RYR3: variants seen among roughly 807,000 people sequenced by gnomAD.
RYR3 encodes the protein brain ryanodine receptor-calcium release channel.
In RYR3, 207 loss-of-function variants were observed where a neutral mutation model predicts 584.3. The observed-to-expected ratio is 0.35, with a 90% CI of 0.32 to 0.40. The LOEUF (loss-of-function observed/expected upper bound fraction) is 0.40, where lower values mean the gene tolerates loss of function less well. RYR3 is among the 10% of genes least tolerant of loss of function. The probability of loss-of-function intolerance (pLI) is 1.00; values close to 1 mark genes in which losing one functional copy is unlikely to be tolerated. For synonymous variants in RYR3, 2,416 were observed against 2,248.5 expected, an observed-to-expected ratio of 1.07 and a Z score of -2.11; for missense variants, 5,616 against 6,089.2, an observed-to-expected ratio of 0.92 and a Z score of 2.59.
intron 38 of RYR3, among the ~76,000 whole-genome samples, chr15:33,690,525 T>C (rs28602988): frequency 0.27 from 41,255 of 152,142 alleles, 6,189 homozygotes; most frequent in African/African-American, 0.41. Context: ...TTTAATCTCG[T>C]ACATACCTGC....
rs2074306591 is a variant in RYR3, at chr15:33,780,319, C to T, written c.9246C>T (p.Thr3082=). 2 of 1,613,718 alleles carry T rather than the reference C, an allele frequency of 1.2e-6. No individual in the cohort carries two copies. Among genetic ancestry groups the T allele is most frequent in the Non-Finnish European group, 1.7e-6 (2 of 1,179,808 alleles). Residue 3082 remains threonine, a synonymous_variant, in exon 65 of 104, where the codon ACC becomes ACT. Transcript: ENST00000634891. ...NRYNPLSVFN[T]KTPRERSILG... ...ACAATCCACTCTCGGTCTTCAACAC[C>T]AAAACCCCCAGGGAGAGGTCTAGTA...
chr15:33,664,589 GTATATATATATATA>G (rs139063789), intron 36 of RYR3, among the ~76,000 whole-genome samples: 2 of 91,380 alleles, frequency 2.2e-5, no homozygotes, highest in African/African-American at 4.4e-5. Context: ...GTGTGTGTGT[GTATATATATATATA>G]TATATATATA....
At chr15:33,860,992 T>C in intron 101 of RYR3, 86 bp from the exon 102 acceptor site, 2 of 1,067,312 alleles carry the variant, frequency 1.9e-6, no homozygotes, top group East Asian at 5.2e-5. Flanking sequence ...GTTTTCATTA[T>C]CCTTCAATTC....
rs1325202941 is a variant in RYR3 at position 33,853,095 on chromosome 15, T to G, written c.13671+8T>G. On this transcript the variant is annotated splice_region_variant and intron_variant, in intron 95 of 103. Transcript: ENST00000634891. Reference sequence around the variant, plus strand: ...AAGTTTGTAAAGAGAAAGGTATGCCTTGTTAGTGGGGGTGAGTTCCGTGAT... The same window carrying G: ...AAGTTTGTAAAGAGAAAGGTATGCCGTGTTAGTGGGGGTGAGTTCCGTGAT... 1 of 1,587,250 alleles carries G rather than the reference T, an allele frequency of 6.3e-7. No homozygotes were observed. Among genetic ancestry groups the G allele is most frequent in the African/African-American group, 1.4e-5 (1 of 73,454 alleles).
intron 1 of RYR3, among the ~76,000 whole-genome samples, chr15:33,357,636 G>A (rs1172587741): frequency 6.6e-6 from 1 of 152,122 alleles, no homozygotes; most frequent in Non-Finnish European, 1.5e-5. Context: ...GAGTTTGATT[G>A]CTCTGCCTAT....
At chr15:33,858,956 C>G (rs565694783) in intron 99 of RYR3, 2 of 152,818 alleles carry the variant, frequency 1.3e-5, no homozygotes, top group African/African-American at 4.8e-5. Context: ...ACTGGCATGA[C>G]CAGCGTGTCT....
rs2077089498 is a variant in RYR3 at position 33,821,257 on chromosome 15, T to C, written c.10816-13T>C. The C allele has an allele frequency of 1.9e-6, 3 of 1,579,372 alleles. No homozygotes were observed. Among genetic ancestry groups the C allele is most frequent in the Non-Finnish European group, 2.6e-6 (3 of 1,162,432 alleles). On this transcript the variant is annotated splice_polypyrimidine_tract_variant and intron_variant, in intron 78 of 103. Transcript: ENST00000634891. The stretch of plus-strand genomic sequence containing the variant: ...AGGAACCAATCTTTCCCTGTGATTT[T>C]TTTTCCCCCCAGGAGAAAGAGATGG...
chr15:33,813,616 GC>G, intron 74 of RYR3, 37 bp downstream of exon 74: 1 of 1,508,282 alleles, frequency 6.6e-7, no homozygotes, highest in Non-Finnish European at 9.2e-7. Context: ...ATGTAAGCCA[GC>G]GATGGGAATG....
intron 1 of RYR3, among the ~76,000 whole-genome samples, chr15:33,385,801 T>G (rs1474200902): frequency 6.8e-6 from 1 of 147,954 alleles, no homozygotes; most frequent in Non-Finnish European, 1.5e-5. Context: ...ACTCCTGGGC[T>G]CAAGCAATCC....
chr15:33,744,125 A>G (rs1290775078), intron 52 of RYR3, among the ~76,000 whole-genome samples: 3 of 152,044 alleles, frequency 2.0e-5, no homozygotes, highest in East Asian at 1.9e-4. Flanking sequence ...ACCCGCCTGT[A>G]CTCACACACA....
At chr15:33,456,475 G>A (rs1470600262) in intron 1 of RYR3, among the ~76,000 whole-genome samples, 1 of 152,112 alleles carries the variant, frequency 6.6e-6, no homozygotes, top group Non-Finnish European at 1.5e-5. Flanking sequence ...GTTATCTTTT[G>A]GTGCTTTGCA....
chr15:33,794,349 A>ACATATATATAGGTG (rs1491104139), intron 67 of RYR3, among the ~76,000 whole-genome samples: 1 of 102,474 alleles, frequency 9.8e-6, no homozygotes, highest in Non-Finnish European at 2.0e-5. Flanking sequence ...ATATATAAAA[A>ACATATATATAGGTG]TATATATATA....
chr15:33,509,785 A>T (rs959688157), intron 3 of RYR3, among the ~76,000 whole-genome samples: 1 of 152,130 alleles, frequency 6.6e-6, no homozygotes, highest in Non-Finnish European at 1.5e-5. Context: ...GTCCAAGAAC[A>T]TCCTTGGTGC....
At chr15:33,376,635 G>A (rs1003334066) in intron 1 of RYR3, among the ~76,000 whole-genome samples, 2 of 152,182 alleles carry the variant, frequency 1.3e-5, no homozygotes, top group Admixed American at 6.5e-5. Flanking sequence ...CACTTGCAGC[G>A]GCGGGAATGG....
At chr15:33,453,222 T>C (rs2047274101) in intron 1 of RYR3, among the ~76,000 whole-genome samples, 1 of 152,188 alleles carries the variant, frequency 6.6e-6, no homozygotes, top group Admixed American at 6.5e-5. Flanking sequence ...AAGTGCTATA[T>C]TAAAGTAAGA....
chr15:33,755,305 A>C, intron 58 of RYR3, 125 bp downstream of exon 58: 1 of 673,934 alleles, frequency 1.5e-6, no homozygotes, highest in Non-Finnish European at 2.5e-6. Context: ...CAGTGGCTGA[A>C]ATTTTTTTCC....
intron 24 of RYR3, among the ~76,000 whole-genome samples, chr15:33,633,715 G>A (rs1234173947): frequency 6.6e-6 from 1 of 152,178 alleles, no homozygotes; most frequent in Non-Finnish European, 1.5e-5. Context: ...GTTCAAAACA[G>A]CATGTTATAC....
At chr15:33,318,028 C>T (rs745725736) in intron 1 of RYR3, among the ~76,000 whole-genome samples, 5 of 152,202 alleles carry the variant, frequency 3.3e-5, no homozygotes, top group Non-Finnish European at 5.9e-5. Flanking sequence ...AACACTCTAT[C>T]CTAAAATCAG....
chr15:33,750,403 A>G, intron 57 of RYR3, 117 bp downstream of exon 57: 2 of 1,012,590 alleles, frequency 2.0e-6, no homozygotes, highest in Non-Finnish European at 1.4e-6. Context: ...TAAAATGAGA[A>G]CATTTTTATT....
Sources: allele counts gnomAD v4.1 joint callset (sites outside exome capture counted in the v4.1 genomes callset), GRCh38; gene constraint gnomAD v4.1.1; transcripts MANE v1.5; gene names NCBI Gene and HGNC (gene_info 2026-07-23, HGNC 2026-07-21).